Variants in PTPRZ1 observed in about 807,000 individuals in gnomAD.
PTPRZ1 encodes the protein protein tyrosine phosphatase receptor type Z1.
PTPRZ1 carries 82 observed loss-of-function variants against 214.1 expected under a neutral mutation model. The observed-to-expected ratio is 0.38, with a 90% CI of 0.32 to 0.46. The LOEUF is 0.46. Among genes scored for constraint, PTPRZ1 ranks in the 20% least tolerant of loss-of-function variants. PTPRZ1 has a pLI of 1.00. For missense variants in PTPRZ1, 2,603 were observed against 2,748.7 expected, an observed-to-expected ratio of 0.95 and a Z score of 1.19; for synonymous variants, 945 against 987.9, an observed-to-expected ratio of 0.96 and a Z score of 0.81.
intron 1 of PTPRZ1, among the ~76,000 whole-genome samples, chr7:121,881,397 C>T (rs557487748): frequency 7.9e-5 from 12 of 152,290 alleles, no homozygotes; most frequent in African/African-American, 2.9e-4. Context: ...CATACTGATG[C>T]CTGGGCATCA....
chr7:122,042,819 T>G, intron 22 of PTPRZ1, 76 bp downstream of exon 22: 1 of 1,460,690 alleles, frequency 6.8e-7, no homozygotes, highest in Non-Finnish European at 9.4e-7. Context: ...ATTCATCTCC[T>G]AGGACTGCAA....
intron 2 of PTPRZ1, among the ~76,000 whole-genome samples, chr7:121,938,252 A>G (rs1334907057): frequency 6.6e-6 from 1 of 152,226 alleles, no homozygotes; most frequent in African/African-American, 2.4e-5. Context: ...ATAGGCAATC[A>G]CTGAAAGATT....
chr7:121,903,592 C>T (rs1195587150), intron 1 of PTPRZ1, among the ~76,000 whole-genome samples: 1 of 152,120 alleles, frequency 6.6e-6, no homozygotes, highest in Non-Finnish European at 1.5e-5. Context: ...TTTTACCCAG[C>T]CATTGTATCC....
intron 1 of PTPRZ1, among the ~76,000 whole-genome samples, chr7:121,899,971 G>A (rs1013670817): frequency 6.6e-6 from 1 of 152,162 alleles, no homozygotes; most frequent in African/African-American, 2.4e-5. Flanking sequence ...AATGGACACA[G>A]ATCAGTTTTC....
At chr7:121,982,487 C>T (rs1797641032) in intron 6 of PTPRZ1, among the ~76,000 whole-genome samples, 1 of 152,192 alleles carries the variant, frequency 6.6e-6, no homozygotes, top group Non-Finnish European at 1.5e-5. Context: ...AACACCTTCA[C>T]AATACTGACT....
At chr7:121,908,336 T>A in intron 1 of PTPRZ1, 1 of 289,638 alleles carries the variant, frequency 3.5e-6, no homozygotes, top group Middle Eastern at 1.2e-3. Flanking sequence ...GTAGCAGATT[T>A]TATAAAATGT....
rs201983811 is a variant in PTPRZ1 at position 121,987,872 on chromosome 7, A to G, written c.928+3755A>G. On this transcript the variant is annotated intron_variant, in intron 8 of 29. Coordinates refer to ENST00000393386, the MANE Select transcript of PTPRZ1 (RefSeq NM_002851.3). ...AATGAAATCATGTTTTTTTGCAGCA[A>G]GATGGATGGAGCTGCAGGTCATAAT... Among the ~76,000 whole-genome samples, 17 of 152,320 alleles carry G rather than the reference A, an allele frequency of 1.1e-4. No homozygotes were observed. The East Asian group carries it at 3.3e-3, about 29-fold the overall frequency.
At chr7:122,045,683 TACACACACACACACACAC>T (rs71172161) in intron 23 of PTPRZ1, among the ~76,000 whole-genome samples, 1 of 146,500 alleles carries the variant, frequency 6.8e-6, no homozygotes, top group African/African-American at 2.5e-5. Context: ...CTAAATAAAT[TACACACACACACACACAC>T]ACACACACAC....
intron 1 of PTPRZ1, among the ~76,000 whole-genome samples, chr7:121,894,150 A>G (rs879779231): frequency 1.3e-5 from 2 of 152,178 alleles, no homozygotes; most frequent in South Asian, 2.1e-4. Context: ...CACATTGTCA[A>G]ACTGCACTCT....
At chr7:121,972,719 AT>A in intron 4 of PTPRZ1, 27 bp downstream of exon 4, 2 of 1,469,222 alleles carry the variant, frequency 1.4e-6, no homozygotes, top group South Asian at 3.0e-5. Context: ...GCTGTGTACT[AT>A]TTTATTTTCT....
chr7:121,991,169 G>A (rs1797950368), intron 8 of PTPRZ1, among the ~76,000 whole-genome samples: 1 of 152,208 alleles, frequency 6.6e-6, no homozygotes, highest in Non-Finnish European at 1.5e-5. Flanking sequence ...ACCCTATAGG[G>A]TTGTGGTGAG....
At chr7:121,873,869 T>C in intron 1 of PTPRZ1, among the ~76,000 whole-genome samples, 1 of 152,226 alleles carries the variant, frequency 6.6e-6, no homozygotes, top group East Asian at 1.9e-4. Flanking sequence ...TCTTCTCTCC[T>C]CTTTTGCAAA....
At chr7:121,984,843 C>T (rs1432241260) in intron 8 of PTPRZ1, among the ~76,000 whole-genome samples, 3 of 151,826 alleles carry the variant, frequency 2.0e-5, no homozygotes, top group African/African-American at 7.2e-5. Context: ...AGAACACAAT[C>T]AGATACATCT....
chr7:121,940,363 T>C (rs1199399419), intron 2 of PTPRZ1, among the ~76,000 whole-genome samples: 5 of 152,188 alleles, frequency 3.3e-5, no homozygotes, highest in Non-Finnish European at 7.4e-5. Flanking sequence ...ATAGGATTAA[T>C]CAACATTGTC....
Position 122,040,978 on chromosome 7 carries a change from A to G in PTPRZ1, c.5800A>G (p.Ser1934Gly). The G allele has an allele frequency of 6.5e-7, 1 of 1,543,718 alleles. No homozygotes were observed. Among genetic ancestry groups the G allele is most frequent in the Non-Finnish European group, 8.8e-7 (1 of 1,135,568 alleles). ...AGTGGGGCCTGTTGTCGTCCACTGC[A>G]GGTGAGTCTCAGAGATGTGCCTCTA... ...HAVGPVVVHC[S>G]AGVGRTGTYI... The change falls in exon 21 of 30, where the codon AGT (serine) becomes GGT (glycine). Residue 1934 changes from serine to glycine, a missense_variant and splice_region_variant. Ser to Gly is a moderately conservative substitution (Grantham distance 56, BLOSUM62 0). Coordinates refer to ENST00000393386, the MANE Select transcript of PTPRZ1 (RefSeq NM_002851.3).
intron 2 of PTPRZ1, among the ~76,000 whole-genome samples, chr7:121,930,268 C>T (rs185958369): frequency 1.3e-5 from 2 of 152,128 alleles, no homozygotes; most frequent in African/African-American, 2.4e-5. Flanking sequence ...AATAAGGACC[C>T]ATACATCTAT....
At chr7:121,965,475 G>A (rs996032052) in intron 2 of PTPRZ1, among the ~76,000 whole-genome samples, 40 of 152,076 alleles carry the variant, frequency 2.6e-4, no homozygotes, top group African/African-American at 8.5e-4. Context: ...TTAGCCACAC[G>A]CCAGCTCACA....
intron 23 of PTPRZ1, among the ~76,000 whole-genome samples, chr7:122,047,442 C>T (rs1792032856): frequency 6.6e-6 from 1 of 151,682 alleles, no homozygotes; most frequent in South Asian, 2.1e-4. Context: ...GTACAGAGAC[C>T]CTGGGTGGTA....
At chr7:121,937,212 C>T (rs1796112165) in intron 2 of PTPRZ1, among the ~76,000 whole-genome samples, 1 of 152,130 alleles carries the variant, frequency 6.6e-6, no homozygotes, top group Middle Eastern at 3.2e-3. Context: ...GAAACTTGAA[C>T]CCTATTGAGA....
Sources: allele counts gnomAD v4.1 joint callset (sites outside exome capture counted in the v4.1 genomes callset), GRCh38; gene constraint gnomAD v4.1.1; transcripts MANE v1.5; gene names NCBI Gene and HGNC (gene_info 2026-07-23, HGNC 2026-07-21).